The following ATRNL1 variants were observed in gnomAD, a reference collection of about 807,000 sequenced individuals.
ATRNL1 encodes the protein attractin-like protein 1.
A neutral mutation model predicts 182.7 loss-of-function variants in ATRNL1; 95 were observed. The ratio of observed to expected loss-of-function variants is 0.52; its 90% CI spans 0.44 to 0.62. The LOEUF (loss-of-function observed/expected upper bound fraction) is 0.62. Ranked by LOEUF, ATRNL1 falls within the 20% of genes least tolerant of loss-of-function variation. The pLI is 0.00. For missense variants in ATRNL1, 1,471 were observed against 1,679.5 expected (o/e 0.88, Z 2.17); for synonymous variants, 576 against 568.3 (o/e 1.01, Z -0.19).
chr10:115,123,407 T>C (rs1844827165), intron 3 of ATRNL1, among the ~76,000 whole-genome samples: 1 of 152,202 alleles, frequency 6.6e-6, no homozygotes, highest in South Asian at 2.1e-4. Context: ...TGAATCTCAA[T>C]CTCCTGATTT....
chr10:115,226,519 G>A (rs1849703852), intron 9 of ATRNL1, among the ~76,000 whole-genome samples: 1 of 151,468 alleles, frequency 6.6e-6, no homozygotes. Context: ...TACAGAATCA[G>A]TGCTATTCCT....
intron 19 of ATRNL1, among the ~76,000 whole-genome samples, chr10:115,351,611 C>T (rs1196156233): frequency 6.6e-6 from 1 of 151,918 alleles, no homozygotes; most frequent in Admixed American, 6.6e-5. Context: ...TATCTTGCAC[C>T]CCTGAGATGA....
intron 28 of ATRNL1, among the ~76,000 whole-genome samples, chr10:115,883,511 G>A (rs73381663): frequency 0.14 from 21,106 of 152,240 alleles, 4,531 homozygotes; most frequent in African/African-American, 0.46. Flanking sequence ...ATGGATAAAT[G>A]AAGTGTAGTA....
chr10:115,372,269 C>T (rs1857435884), intron 19 of ATRNL1, among the ~76,000 whole-genome samples: 1 of 152,142 alleles, frequency 6.6e-6, no homozygotes, highest in African/African-American at 2.4e-5. Flanking sequence ...ATATTAACCC[C>T]TCATCCAGGT....
intron 26 of ATRNL1, among the ~76,000 whole-genome samples, chr10:115,723,610 G>A (rs1421519953): frequency 1.3e-5 from 2 of 151,610 alleles, no homozygotes; most frequent in Non-Finnish European, 2.9e-5. Context: ...GTGCAATGAC[G>A]CAATCTCAGC....
chr10:115,698,714 G>A (rs745479824), intron 26 of ATRNL1, among the ~76,000 whole-genome samples: 1 of 151,810 alleles, frequency 6.6e-6, no homozygotes, highest in Non-Finnish European at 1.5e-5. Flanking sequence ...CGAGGCAGAG[G>A]TTGCAGTGAG....
chr10:115,441,406 T>A (rs1846673814), intron 21 of ATRNL1, among the ~76,000 whole-genome samples: 1 of 151,950 alleles, frequency 6.6e-6, no homozygotes. Context: ...TAGACATTGC[T>A]TTTCTAAGGA....
chr10:115,808,192 T>C (rs1949966149), intron 27 of ATRNL1, among the ~76,000 whole-genome samples: 1 of 152,196 alleles, frequency 6.6e-6, no homozygotes, highest in Non-Finnish European at 1.5e-5. Flanking sequence ...TTTCTAGTAC[T>C]GGTTTAAGTG....
chr10:115,813,038 A>G (rs1402882160), intron 27 of ATRNL1, among the ~76,000 whole-genome samples: 1 of 152,194 alleles, frequency 6.6e-6, no homozygotes, highest in East Asian at 1.9e-4. Flanking sequence ...CCCTAGCCAG[A>G]TTGCCATGAC....
intron 24 of ATRNL1, among the ~76,000 whole-genome samples, chr10:115,513,544 T>C (rs985209015): frequency 6.6e-6 from 1 of 151,994 alleles, no homozygotes; most frequent in Non-Finnish European, 1.5e-5. Context: ...ATATAATAGA[T>C]ACTTAGTGAT....
chr10:115,616,155 G>A (rs1379710558), intron 26 of ATRNL1, among the ~76,000 whole-genome samples: 6 of 152,192 alleles, frequency 3.9e-5, no homozygotes, highest in African/African-American at 1.4e-4. Context: ...CTGGAGCAAA[G>A]TTCACTTTTG....
chr10:115,253,280 A>G (rs1850960358), intron 10 of ATRNL1, among the ~76,000 whole-genome samples: 1 of 152,126 alleles, frequency 6.6e-6, no homozygotes, highest in African/African-American at 2.4e-5. Flanking sequence ...AATTGGTCAT[A>G]CTTCTCCAAT....
At chr10:115,655,882 C>A in intron 26 of ATRNL1, among the ~76,000 whole-genome samples, 1 of 152,088 alleles carries the variant, frequency 6.6e-6, no homozygotes, top group Non-Finnish European at 1.5e-5. Context: ...TATCCTTTGT[C>A]TACTGCAAAA....
intron 28 of ATRNL1, among the ~76,000 whole-genome samples, chr10:115,941,802 TAAC>T (rs1953738582): frequency 1.3e-5 from 2 of 152,200 alleles, no homozygotes; most frequent in South Asian, 4.1e-4. Context: ...TTAAAAATAA[TAAC>T]AAGGTCCTTC....
chr10:115,837,467 CA>C (rs1555095831), intron 27 of ATRNL1, among the ~76,000 whole-genome samples: 5 of 146 alleles, frequency 0.034, no homozygotes, highest in East Asian at 0.1. Context: ...CTTCCCAAGC[CA>C]CACACACACA....
rs900701046 is a variant in ATRNL1, at chr10:115,599,954, G to T, written c.3795+50418G>T. ...AAGAACATTTCCATAATCTCAAAAG[G>T]TTCCCTCATGACCCTTTTCATTCAC... On this transcript the variant is annotated intron_variant, in intron 26 of 28. Coordinates refer to ENST00000355044, the MANE Select transcript of ATRNL1 (RefSeq NM_207303.4). 2.6e-5 allele frequency among the ~76,000 whole-genome samples: 4 copies of T among 151,944 alleles called. No homozygotes were observed. The East Asian group carries it at 5.8e-4, about 22-fold the overall frequency.
intron 26 of ATRNL1, among the ~76,000 whole-genome samples, chr10:115,578,553 T>A (rs2254124): frequency 6.6e-6 from 1 of 151,660 alleles, no homozygotes; most frequent in African/African-American, 2.4e-5. Context: ...CATAATATTC[T>A]TTATGATCCT....
chr10:115,923,571 C>T (rs1426211437), intron 28 of ATRNL1, among the ~76,000 whole-genome samples: 1 of 152,158 alleles, frequency 6.6e-6, no homozygotes, highest in Non-Finnish European at 1.5e-5. Context: ...ATCCATGTCC[C>T]TGCAAAGGAC....
At chr10:115,096,616 A>G (rs781833079) in intron 1 of ATRNL1, 41 of 1,262,072 alleles carry the variant, frequency 3.2e-5, no homozygotes, top group Non-Finnish European at 4.1e-5. Flanking sequence ...GGTTGGCTCC[A>G]TGGTAACTTA....
Sources: gnomAD v4.1 joint callset for allele counts (sites outside exome capture counted in the v4.1 genomes callset) on GRCh38, gnomAD v4.1.1 for gene constraint, MANE v1.5 for transcripts, NCBI Gene and HGNC (gene_info 2026-07-23, HGNC 2026-07-21) for gene names.